Variants in C7orf78 observed in about 807,000 individuals in gnomAD.
C7orf78 encodes the protein putative uncharacterized protein C7orf78.
chr7:12,497,472 C>T, the C7orf78 span, among the ~76,000 whole-genome samples: 10 of 52,394 alleles, frequency 1.9e-4, no homozygotes, highest in Admixed American at 5.0e-4. Flanking sequence ...ACGGACGGCA[C>T]CTGGAGAATC....
the C7orf78 span, among the ~76,000 whole-genome samples, chr7:12,484,704 A>G: frequency 6.6e-6 from 1 of 152,164 alleles, no homozygotes; most frequent in African/African-American, 2.4e-5. Flanking sequence ...GCTACAGTCT[A>G]TTTCAGGTTG....
the C7orf78 span, chr7:12,507,428 C>G: frequency 5.2e-6 from 1 of 192,090 alleles, no homozygotes; most frequent in Non-Finnish European, 1.1e-5. Context: ...AAAAAGCCAT[C>G]CAGTGATGAG....
chr7:12,526,335 A>T, the C7orf78 span, among the ~76,000 whole-genome samples: 1 of 152,134 alleles, frequency 6.6e-6, no homozygotes, highest in East Asian at 1.9e-4. Flanking sequence ...GTAATGTATT[A>T]AAAAACACAT....
the C7orf78 span, among the ~76,000 whole-genome samples, chr7:12,484,893 C>G: frequency 6.6e-6 from 1 of 152,092 alleles, no homozygotes; most frequent in African/African-American, 2.4e-5. Context: ...AAATTTGCCT[C>G]TGTTCTATCA....
chr7:12,512,406 G>T, the C7orf78 span, among the ~76,000 whole-genome samples: 1 of 152,096 alleles, frequency 6.6e-6, no homozygotes, highest in Non-Finnish European at 1.5e-5. Context: ...AAGTGGTGTG[G>T]AATTTTATCA....
At chr7:12,490,698 T>G in the C7orf78 span, among the ~76,000 whole-genome samples, 1 of 149,894 alleles carries the variant, frequency 6.7e-6, no homozygotes, top group East Asian at 1.9e-4. Flanking sequence ...GGATGCAGCA[T>G]TTAGCATTAG....
chr7:12,529,466 G>C, the C7orf78 span, among the ~76,000 whole-genome samples: 3 of 152,152 alleles, frequency 2.0e-5, no homozygotes, highest in East Asian at 5.8e-4. Context: ...GATGAAAGAA[G>C]CCAAACTCTG....
chr7:12,489,633 A>G, the C7orf78 span, among the ~76,000 whole-genome samples: 2 of 152,126 alleles, frequency 1.3e-5, no homozygotes, highest in Non-Finnish European at 2.9e-5. Flanking sequence ...TGTATCTAGA[A>G]GCGGGAATGC....
chr7:12,497,632 T>G, the C7orf78 span, among the ~76,000 whole-genome samples: 1 of 152,032 alleles, frequency 6.6e-6, no homozygotes, highest in Non-Finnish European at 1.5e-5. Flanking sequence ...GAGATCAAAC[T>G]GCAAGGCGGC....
chr7:12,519,766 T>A, the C7orf78 span, among the ~76,000 whole-genome samples: 5 of 152,280 alleles, frequency 3.3e-5, no homozygotes, highest in Admixed American at 1.3e-4. Flanking sequence ...ACCCCAAGCA[T>A]CTTTGGGCTC....
chr7:12,534,654 C>T, the C7orf78 span, among the ~76,000 whole-genome samples: 3 of 151,904 alleles, frequency 2.0e-5, no homozygotes, highest in African/African-American at 7.3e-5. Flanking sequence ...GGCATGTAAT[C>T]CAATGGAAAA....
chr7:12,538,144 T>C, the C7orf78 span, among the ~76,000 whole-genome samples: 40 of 152,326 alleles, frequency 2.6e-4, no homozygotes, highest in African/African-American at 8.7e-4. Flanking sequence ...TGCACTATTA[T>C]ACGTACATGT....
the C7orf78 span, among the ~76,000 whole-genome samples, chr7:12,492,382 C>T: frequency 1.3e-5 from 2 of 152,096 alleles, no homozygotes; most frequent in African/African-American, 4.8e-5. Context: ...AGAATTGAAA[C>T]AATAAAATAA....
chr7:12,532,117 A>G, the C7orf78 span, among the ~76,000 whole-genome samples: 3 of 152,164 alleles, frequency 2.0e-5, no homozygotes, highest in African/African-American at 7.2e-5. Flanking sequence ...CGCCATTTTG[A>G]ACATGCCTGG....
chr7:12,501,393 CA>C, the C7orf78 span, among the ~76,000 whole-genome samples: 1 of 151,134 alleles, frequency 6.6e-6, no homozygotes, highest in Non-Finnish European at 1.5e-5. Flanking sequence ...TCTCAGGATA[CA>C]AAATCAATGT....
the C7orf78 span, among the ~76,000 whole-genome samples, chr7:12,519,407 C>G: frequency 2.6e-5 from 4 of 152,300 alleles, no homozygotes; most frequent in Middle Eastern, 6.8e-3. Context: ...ATCCCATTCT[C>G]TATACATAAA....
chr7:12,503,337 G>T, the C7orf78 span, among the ~76,000 whole-genome samples: 1 of 151,976 alleles, frequency 6.6e-6, no homozygotes, highest in Admixed American at 6.6e-5. Flanking sequence ...TAATACCAAT[G>T]AATTGATGTT....
chr7:12,501,347 A>C, the C7orf78 span, among the ~76,000 whole-genome samples: 46 of 148,556 alleles, frequency 3.1e-4, no homozygotes, highest in African/African-American at 1.1e-3. Context: ...GTCTCAGCCC[A>C]AAATCTCCTT....
chr7:12,515,525 C>T, the C7orf78 span, among the ~76,000 whole-genome samples: 3 of 151,928 alleles, frequency 2.0e-5, no homozygotes, highest in South Asian at 2.1e-4. Flanking sequence ...TGAAAAGATA[C>T]CTGAAAATGT....
Sources: allele counts gnomAD v4.1 joint callset (sites outside exome capture counted in the v4.1 genomes callset), GRCh38; gene constraint gnomAD v4.1.1; transcripts MANE v1.5; gene names NCBI Gene and HGNC (gene_info 2026-07-23, HGNC 2026-07-21).